Variants in SLC39A11 observed in about 807,000 individuals in gnomAD.
SLC39A11 encodes solute carrier family 39 member 11.
In SLC39A11, 33 loss-of-function variants were observed where a neutral mutation model predicts 36.1. That is an observed-to-expected ratio of 0.91 (90% CI 0.69 to 1.22). SLC39A11 has a LOEUF of 1.22. Among genes scored for constraint, SLC39A11 ranks in the 50% most tolerant of loss-of-function variants. SLC39A11 has a pLI of 0.00. For synonymous variants in SLC39A11, 166 were observed against 170.3 expected (o/e 0.97, Z 0.20); for missense variants, 432 against 430.3 (o/e 1.00, Z -0.03).
chr17:72,865,175 C>T (rs564777970), intron 5 of SLC39A11, among the ~76,000 whole-genome samples: 1 of 152,104 alleles, frequency 6.6e-6, no homozygotes, highest in Non-Finnish European at 1.5e-5. Flanking sequence ...TCAGAGGTTG[C>T]CTTGGGGTGA....
chr17:72,709,534 T>G (rs1454960527), intron 7 of SLC39A11, among the ~76,000 whole-genome samples: 1 of 152,222 alleles, frequency 6.6e-6, no homozygotes, highest in East Asian at 1.9e-4. Flanking sequence ...GAGCCAAATA[T>G]CTTCCTTCTC....
chr17:73,023,389 C>T (rs903163291), intron 4 of SLC39A11, among the ~76,000 whole-genome samples: 5 of 152,198 alleles, frequency 3.3e-5, no homozygotes, highest in African/African-American at 4.8e-5. Context: ...TGGTTAATGC[C>T]TGTAATCCCA....
intron 4 of SLC39A11, among the ~76,000 whole-genome samples, chr17:72,948,409 T>TCGCCGCACGCA (rs1281584838): frequency 5.3e-5 from 8 of 151,560 alleles, no homozygotes; most frequent in South Asian, 2.1e-4. Flanking sequence ...GCAAGCATCA[T>TCGCCGCACGCA]CACTGCCGGG....
At chr17:72,700,552 G>A (rs2072560385) in intron 7 of SLC39A11, among the ~76,000 whole-genome samples, 1 of 152,186 alleles carries the variant, frequency 6.6e-6, no homozygotes. Flanking sequence ...CTGCCCCCAG[G>A]GTCCCCAGGC....
chr17:72,849,446 T>G, intron 6 of SLC39A11, 188 bp downstream of exon 6: 1 of 458,574 alleles, frequency 2.2e-6, no homozygotes, highest in Non-Finnish European at 3.6e-6. Flanking sequence ...TGGGAAGTTT[T>G]CACATATGAT....
intron 3 of SLC39A11, among the ~76,000 whole-genome samples, chr17:73,050,214 G>A (rs998087091): frequency 1.3e-5 from 2 of 151,748 alleles, no homozygotes; most frequent in Non-Finnish European, 2.9e-5. Flanking sequence ...GCTTCTCTGA[G>A]GAGGTGACAT....
intron 5 of SLC39A11, among the ~76,000 whole-genome samples, chr17:72,896,026 A>G (rs981171973): frequency 6.6e-6 from 1 of 151,908 alleles, no homozygotes; most frequent in African/African-American, 2.4e-5. Flanking sequence ...TCAGTATCTT[A>G]AACTCAATAG....
Position 72,849,666 on chromosome 17 carries a change from A to G in SLC39A11, c.569T>C (p.Leu190Pro). Residue 190 changes from leucine (L) to proline (P), a missense_variant, in exon 6 of 10, where the codon CTC becomes CCC. Coordinates refer to ENST00000255559, the MANE Select transcript of SLC39A11 (RefSeq NM_139177.4). ...GGSSWRRIAL[L>P]ILAITIHNVP... Reference sequence around the variant, plus strand: ...GTTGTGTATAGTGATGGCCAAGATGAGCAGTGCGATCCTCCTCCAGCTGCT... The same window carrying G: ...GTTGTGTATAGTGATGGCCAAGATGGGCAGTGCGATCCTCCTCCAGCTGCT... 6.3e-7 allele frequency: 1 copy of G among 1,596,222 alleles called. No individual in the cohort carries two copies. The highest frequency in any genetic ancestry group is 8.5e-7 in the Non-Finnish European group (1 of 1,172,756).
chr17:73,087,832 CCCAAGGGGAAAGGAA>C (rs1422779903), intron 2 of SLC39A11, among the ~76,000 whole-genome samples: 2 of 152,008 alleles, frequency 1.3e-5, no homozygotes, highest in Admixed American at 6.6e-5. Flanking sequence ...CTATATTCAT[CCCAAGGGGAAAGGAA>C]ACAACCTGGA....
At chr17:72,753,100 C>T (rs1334465400) in intron 6 of SLC39A11, among the ~76,000 whole-genome samples, 2 of 152,132 alleles carry the variant, frequency 1.3e-5, no homozygotes, top group African/African-American at 4.8e-5. Flanking sequence ...TCAAGTGACC[C>T]TCCAACCTCG....
chr17:73,044,547 G>A (rs1169436605), intron 3 of SLC39A11, among the ~76,000 whole-genome samples: 1 of 152,174 alleles, frequency 6.6e-6, no homozygotes, highest in South Asian at 2.1e-4. Context: ...GCCTGACTTA[G>A]GGACTAGGAG....
chr17:72,759,790 C>T (rs2075503865), intron 6 of SLC39A11, among the ~76,000 whole-genome samples: 1 of 151,918 alleles, frequency 6.6e-6, no homozygotes, highest in Non-Finnish European at 1.5e-5. Context: ...TAGCTCAGAT[C>T]TAGTATTCAA....
intron 4 of SLC39A11, among the ~76,000 whole-genome samples, chr17:72,952,798 C>T (rs1297634806): frequency 1.3e-5 from 2 of 152,180 alleles, no homozygotes; most frequent in African/African-American, 4.8e-5. Context: ...ACGTGACCAA[C>T]GCAAGCTGTT....
At chr17:72,879,624 C>T (rs1211939780) in intron 5 of SLC39A11, among the ~76,000 whole-genome samples, 2 of 152,160 alleles carry the variant, frequency 1.3e-5, no homozygotes, top group African/African-American at 4.8e-5. Flanking sequence ...ACAGGGTGAA[C>T]AAGAATGACA....
At chr17:72,702,336 G>C (rs1351495106) in intron 7 of SLC39A11, among the ~76,000 whole-genome samples, 1 of 152,088 alleles carries the variant, frequency 6.6e-6, no homozygotes, top group Non-Finnish European at 1.5e-5. Context: ...CTAGGGTGGT[G>C]GTCTCAACCA....
At chr17:73,053,172 C>T (rs781039483) in intron 3 of SLC39A11, among the ~76,000 whole-genome samples, 3 of 151,774 alleles carry the variant, frequency 2.0e-5, no homozygotes, top group Admixed American at 6.6e-5. Flanking sequence ...GGCAACAGAG[C>T]GCGACCCCAT....
intron 3 of SLC39A11, among the ~76,000 whole-genome samples, chr17:73,050,433 T>C (rs1256442214): frequency 6.7e-6 from 1 of 148,834 alleles, no homozygotes; most frequent in Admixed American, 6.7e-5. Context: ...AGTTAGGATC[T>C]TATAGGAGCA....
intron 3 of SLC39A11, among the ~76,000 whole-genome samples, chr17:73,046,417 G>C (rs915667656): frequency 6.6e-6 from 1 of 152,112 alleles, no homozygotes; most frequent in African/African-American, 2.4e-5. Context: ...AGGAGTGATG[G>C]GGCAGAATCC....
At chr17:72,910,100 G>T (rs2082901709) in intron 5 of SLC39A11, among the ~76,000 whole-genome samples, 1 of 152,032 alleles carries the variant, frequency 6.6e-6, no homozygotes, top group Non-Finnish European at 1.5e-5. Flanking sequence ...CTGGAACCCA[G>T]ATCTCCTCAA....
Sources: allele counts gnomAD v4.1 joint callset (sites outside exome capture counted in the v4.1 genomes callset), GRCh38; gene constraint gnomAD v4.1.1; transcripts MANE v1.5; gene names NCBI Gene and HGNC (gene_info 2026-07-23, HGNC 2026-07-21).